TSGA10: variants seen among roughly 807,000 people sequenced by gnomAD.
The protein encoded by TSGA10 is testis-specific gene 10 protein.
A neutral mutation model predicts 96.6 loss-of-function variants in TSGA10; 43 were observed. The ratio of observed to expected loss-of-function variants is 0.44; its 90% CI spans 0.35 to 0.57. TSGA10 has a LOEUF of 0.57. TSGA10 is among the 20% of genes least tolerant of loss of function. TSGA10 has a pLI of 0.01. For missense variants in TSGA10, 703 were observed against 834.4 expected (o/e 0.84, Z 1.94); for synonymous variants, 229 against 269.9 (o/e 0.85, Z 1.48).
intron 17 of TSGA10, among the ~76,000 whole-genome samples, chr2:99,027,685 G>T (rs1171847086): frequency 6.6e-6 from 1 of 151,856 alleles, no homozygotes; most frequent in Non-Finnish European, 1.5e-5. Context: ...ATTATTATTT[G>T]TCAACTAAAA....
At chr2:99,054,488 T>C (rs749049289) in intron 16 of TSGA10, among the ~76,000 whole-genome samples, 2 of 152,116 alleles carry the variant, frequency 1.3e-5, no homozygotes, top group African/African-American at 4.8e-5. Flanking sequence ...TCCAAAAGCA[T>C]AGGCTTCAAA....
chr2:99,070,833 C>T (rs909028267), intron 14 of TSGA10, among the ~76,000 whole-genome samples: 1 of 152,112 alleles, frequency 6.6e-6, no homozygotes, highest in African/African-American at 2.4e-5. Context: ...CTATTGTTAA[C>T]ATTTTACATT....
intron 20 of TSGA10, among the ~76,000 whole-genome samples, chr2:99,010,216 T>C (rs1212971190): frequency 6.6e-6 from 1 of 152,172 alleles, no homozygotes; most frequent in Non-Finnish European, 1.5e-5. Flanking sequence ...ATGGGGCAGA[T>C]GGAGTATGGC....
intron 20 of TSGA10, among the ~76,000 whole-genome samples, chr2:99,001,272 T>C (rs1170889316): frequency 6.6e-6 from 1 of 152,090 alleles, no homozygotes; most frequent in Non-Finnish European, 1.5e-5. Flanking sequence ...AGATGAAGCT[T>C]CCAGAGGAAG....
chr2:99,121,998 T>C lies in TSGA10; in HGVS notation c.-491-3312A>G, dbSNP rs372414630. On this transcript the variant is annotated intron_variant, in intron 2 of 20. Coordinates refer to ENST00000393483, the MANE Select transcript of TSGA10 (RefSeq NM_025244.4). ...GGTAACTGTTTTCCCTGTATCTAAATGCTCCAACACCACTTGTTGAAAAGA... is the reference window on the plus strand; with the variant it reads ...GGTAACTGTTTTCCCTGTATCTAAACGCTCCAACACCACTTGTTGAAAAGA... 4.6e-5 allele frequency among the ~76,000 whole-genome samples: 7 copies of C among 152,326 alleles called. No homozygotes were observed. The East Asian group carries it at 7.7e-4, about 17-fold the overall frequency.
intron 14 of TSGA10, among the ~76,000 whole-genome samples, chr2:99,070,383 C>A (rs948944221): frequency 6.6e-6 from 1 of 151,942 alleles, no homozygotes; most frequent in Admixed American, 6.6e-5. Flanking sequence ...GACTCTACTG[C>A]CTCTTCATGT....
intron 2 of TSGA10, chr2:99,125,625 CTGGA>C (rs2092785933): frequency 6.6e-6 from 1 of 152,118 alleles, no homozygotes; most frequent in South Asian, 2.1e-4. Flanking sequence ...TTGTAAGACT[CTGGA>C]TCTTATGTTT....
chr2:99,144,329 G>A (rs2093609883), intron 1 of TSGA10, among the ~76,000 whole-genome samples: 2 of 151,796 alleles, frequency 1.3e-5, no homozygotes, highest in East Asian at 1.9e-4. Context: ...CCTGTGTTCC[G>A]TTTTTTAAAT....
intron 16 of TSGA10, among the ~76,000 whole-genome samples, chr2:99,047,621 A>C (rs577637804): frequency 2.0e-5 from 3 of 152,310 alleles, no homozygotes; most frequent in South Asian, 2.1e-4. Flanking sequence ...CAATATCATA[A>C]TGAATGTGCA....
At position 98,998,147 on chromosome 2, in the gene TSGA10, C is replaced by A; in HGVS notation, c.*50G>T. On this transcript the variant is annotated 3_prime_UTR_variant, in exon 21 of 21. Transcript: ENST00000393483. The stretch of plus-strand genomic sequence containing the variant: ...ACTCATGTAGCAAAAAAAAAAAAAT[C>A]AGTTTGTAACTTTGACCTTTCTCAG... The A allele has an allele frequency of 2.7e-6, 4 of 1,507,942 alleles. No individual in the cohort carries two copies. Among genetic ancestry groups the A allele is most frequent in the Admixed American group, 4.3e-5 (2 of 46,130 alleles). 93.4% of individuals were successfully genotyped at this position (1,507,942 alleles called of 1,614,324 possible).
At chr2:99,074,262 C>T (rs2086389242) in intron 12 of TSGA10, among the ~76,000 whole-genome samples, 1 of 151,922 alleles carries the variant, frequency 6.6e-6, no homozygotes, top group South Asian at 2.1e-4. Context: ...GATCCACCCA[C>T]CTCGGCCTCC....
rs543687881 is a variant in TSGA10 at position 99,114,942 on chromosome 2, A to T, written c.-140+2602T>A. Among the ~76,000 whole-genome samples, 14 of 152,182 alleles carry T rather than the reference A, an allele frequency of 9.2e-5. No homozygotes were observed. In the East Asian group the frequency reaches 1.2e-3, roughly 13 times the overall value. ...AAAACTCTTCAATATTGATATATAT[A>T]TATTTTTTTGAGATAAAGAGTCTCA... On this transcript the variant is annotated intron_variant, in intron 4 of 20. Transcript: ENST00000393483.
At chr2:99,135,505 AT>A (rs953258382) in intron 1 of TSGA10, among the ~76,000 whole-genome samples, 1 of 152,152 alleles carries the variant, frequency 6.6e-6, no homozygotes, top group Non-Finnish European at 1.5e-5. Context: ...TTTATTCTTT[AT>A]TTTTTTCAAT....
intron 17 of TSGA10, among the ~76,000 whole-genome samples, chr2:99,029,237 T>C (rs1399947318): frequency 6.6e-6 from 1 of 152,124 alleles, no homozygotes; most frequent in Admixed American, 6.6e-5. Context: ...CCTAAGGAAA[T>C]CACCCATAAC....
chr2:99,073,858 A>G (rs1364469330), intron 12 of TSGA10, among the ~76,000 whole-genome samples: 1 of 152,096 alleles, frequency 6.6e-6, no homozygotes, highest in Non-Finnish European at 1.5e-5. Context: ...CATTAGCCCT[A>G]AAAAAGTAAG....
In TSGA10 at chr2:99,109,476, T is replaced by C. The variant is rs2091631102; in HGVS notation, c.-37A>G. The C allele has an allele frequency of 6.2e-7, 1 of 1,606,914 alleles. No homozygotes were observed. Among genetic ancestry groups the C allele is most frequent in the Non-Finnish European group, 8.5e-7 (1 of 1,175,630 alleles). ...GTTGAGCTTCACTCTTATAGTGATC[T>C]TTGTCTGCTTCCAAAGTCTTGACAA... On this transcript the variant is annotated 5_prime_UTR_variant, in exon 6 of 21. Coordinates refer to ENST00000393483, the MANE Select transcript of TSGA10 (RefSeq NM_025244.4).
rs1354136952 is a variant in TSGA10 at position 99,039,114 on chromosome 2, C to T, written c.1405-3675G>A. ...GAACAATAATAGTGCCACAACTTAT[C>T]AAAACCTCTGGGATACAGCAAAAGT... On this transcript the variant is annotated intron_variant, in intron 16 of 20. Coordinates refer to ENST00000393483, the MANE Select transcript of TSGA10 (RefSeq NM_025244.4). 2.0e-5 allele frequency among the ~76,000 whole-genome samples: 3 copies of T among 151,976 alleles called. No homozygotes were observed. The East Asian group carries it at 5.8e-4, about 29-fold the overall frequency.
chr2:99,137,816 G>A (rs1357790886), intron 1 of TSGA10, among the ~76,000 whole-genome samples: 39 of 151,180 alleles, frequency 2.6e-4, no homozygotes, highest in Admixed American at 7.2e-4. Flanking sequence ...TAAATTAGAA[G>A]GGATTTATTG....
At chr2:99,059,242 GC>G (rs1413190162) in intron 16 of TSGA10, among the ~76,000 whole-genome samples, 1 of 151,422 alleles carries the variant, frequency 6.6e-6, no homozygotes, top group East Asian at 1.9e-4. Flanking sequence ...CAATGTATTA[GC>G]CAGTTTAACA....
Sources: gnomAD v4.1 joint callset for allele counts (sites outside exome capture counted in the v4.1 genomes callset) on GRCh38, gnomAD v4.1.1 for gene constraint, MANE v1.5 for transcripts, NCBI Gene and HGNC (gene_info 2026-07-23, HGNC 2026-07-21) for gene names.